Variants in PLD5 observed in about 807,000 individuals in gnomAD.
PLD5 encodes inactive phospholipase D5.
PLD5 carries 36 observed loss-of-function variants against 61.1 expected under a neutral mutation model. That is an observed-to-expected ratio of 0.59 (90% CI 0.45 to 0.78). PLD5 has a LOEUF of 0.78. Ranked by LOEUF, PLD5 falls within the 30% of genes least tolerant of loss-of-function variation. The pLI is 0.00. For synonymous variants in PLD5, 243 were observed against 242.8 expected (o/e 1.00, Z -0.01); for missense variants, 515 against 644.4 (o/e 0.80, Z 2.17).
chr1:242,434,165 T>C (rs1465619834), intron 1 of PLD5, among the ~76,000 whole-genome samples: 1 of 152,150 alleles, frequency 6.6e-6, no homozygotes, highest in Non-Finnish European at 1.5e-5. Context: ...ACAGTTACCA[T>C]AGTGTAGGCA....
At chr1:242,253,493 T>G (rs1672835323) in intron 4 of PLD5, among the ~76,000 whole-genome samples, 2 of 151,598 alleles carry the variant, frequency 1.3e-5, no homozygotes, top group Non-Finnish European at 2.9e-5. Flanking sequence ...TTTTGTATTT[T>G]TAGTAGAGAC....
At chr1:242,140,797 C>G in intron 5 of PLD5, among the ~76,000 whole-genome samples, 1 of 151,054 alleles carries the variant, frequency 6.6e-6, no homozygotes, top group East Asian at 1.9e-4. Context: ...AGCCTCTCAG[C>G]CCCCTTGGCC....
chr1:242,426,372 T>C (rs1244557226), intron 1 of PLD5, among the ~76,000 whole-genome samples: 9 of 145,052 alleles, frequency 6.2e-5, no homozygotes, highest in Non-Finnish European at 1.1e-4. Flanking sequence ...CAATAAAAAG[T>C]ATACAGTAAA....
At chr1:242,110,987 T>G (rs1228603929) in intron 7 of PLD5, among the ~76,000 whole-genome samples, 1 of 151,960 alleles carries the variant, frequency 6.6e-6, no homozygotes, top group Non-Finnish European at 1.5e-5. Context: ...AACTGAGACC[T>G]AAATAATTGA....
intron 1 of PLD5, among the ~76,000 whole-genome samples, chr1:242,460,333 C>A (rs888793183): frequency 2.6e-5 from 4 of 152,132 alleles, no homozygotes; most frequent in Non-Finnish European, 4.4e-5. Flanking sequence ...CCCCCCTGGA[C>A]CCAGCTCTCA....
chr1:242,476,938 G>GA (rs2102956719), intron 1 of PLD5, among the ~76,000 whole-genome samples: 1 of 152,264 alleles, frequency 6.6e-6, no homozygotes, highest in South Asian at 2.1e-4. Context: ...AACAACTCCT[G>GA]AGAAAGACAT....
chr1:242,452,305 G>C (rs1447280311), intron 1 of PLD5, among the ~76,000 whole-genome samples: 2 of 152,054 alleles, frequency 1.3e-5, no homozygotes, highest in Non-Finnish European at 2.9e-5. Flanking sequence ...AGTCAACCAG[G>C]ATTCTAGTGA....
rs1042810407 is a variant in PLD5, at chr1:242,256,859, T to G, written c.607+8478A>C. On this transcript the variant is annotated intron_variant, in intron 4 of 9. Coordinates refer to ENST00000536534, the MANE Select transcript of PLD5 (RefSeq NM_001372062.1). The surrounding 1 kb of genome is among the most constrained non-coding windows in gnomAD (Gnocchi z 5.7). ...TTTCTTTCTGTGTATCTGCCATCTA[T>G]CTTCCTATCTTCTTTCTTTTCTCTC... Among the ~76,000 whole-genome samples the G allele has an allele frequency of 6.3e-5, 9 of 142,696 alleles. No individual in the cohort carries two copies. Among genetic ancestry groups the G allele is most frequent in the African/African-American group, 2.3e-4 (9 of 39,620 alleles). 93.6% of individuals were successfully genotyped at this position (142,696 alleles called of 152,430 possible).
intron 4 of PLD5, among the ~76,000 whole-genome samples, chr1:242,250,768 C>G (rs1176857253): frequency 6.6e-6 from 1 of 152,078 alleles, no homozygotes; most frequent in African/African-American, 2.4e-5. Flanking sequence ...GAGCCTCATT[C>G]AGTGTGGAGA....
chr1:242,379,211 G>T lies in PLD5; in HGVS notation c.190-30969C>A, dbSNP rs144890207. On this transcript the variant is annotated intron_variant, in intron 1 of 9. Transcript: ENST00000536534. The stretch of plus-strand genomic sequence containing the variant: ...CATTCTGTCTATGGTGTTTACTGAG[G>T]CCACCCACATTCAGAGACTTGCGTA... 1.4e-4 allele frequency among the ~76,000 whole-genome samples: 21 copies of T among 152,224 alleles called. 1 individual carries two copies. Among genetic ancestry groups the T allele is most frequent in the African/African-American group, 4.8e-4 (20 of 41,532 alleles).
intron 5 of PLD5, among the ~76,000 whole-genome samples, chr1:242,142,844 A>G (rs1196916016): frequency 6.6e-6 from 1 of 151,890 alleles, no homozygotes; most frequent in African/African-American, 2.4e-5. Context: ...CTCCTGCCTC[A>G]GCCTCTCAAG....
At chr1:242,482,922 T>G (rs1052528630) in intron 1 of PLD5, among the ~76,000 whole-genome samples, 28 of 152,064 alleles carry the variant, frequency 1.8e-4, no homozygotes, top group African/African-American at 4.3e-4. Context: ...TTACAGAAAA[T>G]AATTTTCAAC....
chr1:242,422,844 CTCTTTT>C lies in PLD5; in HGVS notation c.190-74608_190-74603del, dbSNP rs1476558262. On this transcript the variant is annotated intron_variant, in intron 1 of 9. Coordinates refer to ENST00000536534, the MANE Select transcript of PLD5 (RefSeq NM_001372062.1). ...AGGCAGGCAGATAAACCGTATTTCT[CTCTTTT>C]TTTTTTTTTTTTTTTTGAGATAAGG... Among the ~76,000 whole-genome samples, 19 of 94,920 alleles carry C rather than the reference CTCTTTT, an allele frequency of 2.0e-4. No homozygotes were observed. In the South Asian group the frequency reaches 5.9e-3, roughly 29 times the overall value. 62.3% of individuals were successfully genotyped at this position (94,920 alleles called of 152,430 possible).
intron 3 of PLD5, among the ~76,000 whole-genome samples, chr1:242,266,836 G>A (rs567004802): frequency 2.8e-4 from 43 of 152,304 alleles, no homozygotes; most frequent in African/African-American, 9.1e-4. Flanking sequence ...AGAGAAGCTG[G>A]CCGGGTGCGT....
intron 5 of PLD5, among the ~76,000 whole-genome samples, chr1:242,150,259 C>T (rs1465235417): frequency 6.8e-6 from 1 of 147,896 alleles, no homozygotes; most frequent in Non-Finnish European, 1.5e-5. Context: ...TCCATATGTG[C>T]TTAAATATAA....
intron 2 of PLD5, among the ~76,000 whole-genome samples, chr1:242,337,725 A>T (rs1202671876): frequency 6.6e-6 from 1 of 152,232 alleles, no homozygotes; most frequent in Non-Finnish European, 1.5e-5. Context: ...TCTGTCTCAC[A>T]GCAGCATGGA....
intron 5 of PLD5, among the ~76,000 whole-genome samples, chr1:242,164,875 T>C (rs1468351123): frequency 6.6e-6 from 1 of 151,336 alleles, no homozygotes; most frequent in Non-Finnish European, 1.5e-5. Context: ...GAAGGTGCTT[T>C]TCTTTTATGA....
At chr1:242,467,689 G>A (rs996963995) in intron 1 of PLD5, among the ~76,000 whole-genome samples, 73 of 152,266 alleles carry the variant, frequency 4.8e-4, no homozygotes, top group Admixed American at 4.6e-3. Context: ...AAACAGAACC[G>A]GCGTTCCTAA....
intron 1 of PLD5, among the ~76,000 whole-genome samples, chr1:242,506,059 G>A (rs770671277): frequency 3.3e-5 from 5 of 152,162 alleles, no homozygotes; most frequent in Non-Finnish European, 7.3e-5. Flanking sequence ...AGTACTAAGA[G>A]TTCTGATACA....
Sources: allele counts gnomAD v4.1 joint callset (sites outside exome capture counted in the v4.1 genomes callset), GRCh38; gene constraint gnomAD v4.1.1; non-coding constraint Gnocchi (gnomAD v3.1); transcripts MANE v1.5; gene names NCBI Gene and HGNC (gene_info 2026-07-23, HGNC 2026-07-21).